The following FAF2 variants were observed in gnomAD, a reference collection of about 807,000 sequenced individuals.
FAF2 encodes Fas associated factor family member 2.
In FAF2, 9 loss-of-function variants were observed where a neutral mutation model predicts 62.3. The observed-to-expected ratio is 0.14, with a 90% confidence interval of 0.09 to 0.25. The LOEUF is 0.25. Among genes scored for constraint, FAF2 ranks in the 10% least tolerant of loss-of-function variants. The probability of loss-of-function intolerance (pLI) is 1.00; values close to 1 mark genes in which losing one functional copy is unlikely to be tolerated. For missense variants in FAF2, 368 were observed against 556.2 expected, an observed-to-expected ratio of 0.66 and a Z score of 3.40; for synonymous variants, 202 against 198.0, an observed-to-expected ratio of 1.02 and a Z score of -0.17.
At chr5:176,460,098 G>A (rs1403592398) in intron 1 of FAF2, among the ~76,000 whole-genome samples, 1 of 152,152 alleles carries the variant, frequency 6.6e-6, no homozygotes, top group East Asian at 1.9e-4. Flanking sequence ...ATTCTATAGT[G>A]TATATGTACC....
chr5:176,485,860 C>T (rs537950806), intron 2 of FAF2, among the ~76,000 whole-genome samples: 10 of 152,126 alleles, frequency 6.6e-5, no homozygotes, highest in South Asian at 2.1e-4. Flanking sequence ...TTTGAGCCAC[C>T]GCGCCTGACC....
chr5:176,499,032 C>T lies in FAF2; in HGVS notation c.958C>T (p.Arg320Trp). ...KKREERERKRRKEEEVQQQKL... is the reference protein window; with the variant it reads ...KKREERERKRWKEEEVQQQKL... The stretch of plus-strand genomic sequence containing the variant: ...ACGGGAGGAGCGGGAGCGTAAGCGG[C>T]GGAAGGAGGAGGAGGTGCAACAGCA... Residue 320 changes from arginine to tryptophan, a missense_variant, in exon 9 of 11, where the codon CGG becomes TGG. Physicochemically the swap from Arg to Trp is moderately radical, Grantham distance 101. Transcript: ENST00000261942. The T allele has an allele frequency of 1.2e-6, 2 of 1,611,038 alleles. No individual in the cohort carries two copies. Among genetic ancestry groups the T allele is most frequent in the East Asian group, 2.2e-5 (1 of 44,854 alleles).
At position 176,465,667 on chromosome 5, in the gene FAF2, C is replaced by T. The variant is rs532416479; in HGVS notation, c.64-13521C>T. Reference sequence around the variant, plus strand: ...CAGTTATGAGCCACCATGCCCAGCCCAGAAATTGAAATTTTCTGAATTAAG... The same window carrying T: ...CAGTTATGAGCCACCATGCCCAGCCTAGAAATTGAAATTTTCTGAATTAAG... On this transcript the variant is annotated intron_variant, in intron 1 of 10. Coordinates refer to ENST00000261942, the MANE Select transcript of FAF2 (RefSeq NM_014613.3). Among the ~76,000 whole-genome samples the T allele has an allele frequency of 5.9e-5, 9 of 152,148 alleles. No individual in the cohort carries two copies. The South Asian group carries it at 1.7e-3, about 28-fold the overall frequency.
chr5:176,488,886 C>A (rs1389705241), intron 3 of FAF2, 65 bp from the exon 4 acceptor site: 17 of 1,302,506 alleles, frequency 1.3e-5, no homozygotes, highest in South Asian at 2.4e-5. Flanking sequence ...AAAATCTGAC[C>A]TAGCCATTTG....
chr5:176,466,327 A>C (rs938064868), intron 1 of FAF2, among the ~76,000 whole-genome samples: 40 of 152,216 alleles, frequency 2.6e-4, no homozygotes, highest in African/African-American at 9.2e-4. Context: ...AAAGATTCCT[A>C]GTTTTTGCCA....
chr5:176,501,580 G>T (rs558337663), intron 10 of FAF2, among the ~76,000 whole-genome samples: 1 of 152,358 alleles, frequency 6.6e-6, no homozygotes, highest in African/African-American at 2.4e-5. Flanking sequence ...TTAGATGAGT[G>T]AGACATGGTT....
chr5:176,486,146 T>C (rs1758870209), intron 2 of FAF2, among the ~76,000 whole-genome samples: 1 of 152,200 alleles, frequency 6.6e-6, no homozygotes, highest in African/African-American at 2.4e-5. Context: ...TTTCCTCGTC[T>C]CCTCTACCAT....
chr5:176,452,258 G>A (rs976603481), intron 1 of FAF2, among the ~76,000 whole-genome samples: 6 of 151,824 alleles, frequency 4.0e-5, no homozygotes, highest in Non-Finnish European at 2.9e-5. Context: ...AGGTTTCCCC[G>A]TGTTGGCCAG....
At chr5:176,489,890 A>T (rs201038088) in intron 4 of FAF2, among the ~76,000 whole-genome samples, 27 of 152,300 alleles carry the variant, frequency 1.8e-4, no homozygotes, top group Admixed American at 1.6e-3. Context: ...CCTAGGTTGC[A>T]AACACTGGAA....
chr5:176,507,240 A>T lies in FAF2; in HGVS notation c.*290A>T. On this transcript the variant is annotated 3_prime_UTR_variant, in exon 11 of 11. Transcript: ENST00000261942. ...TGCACGCACCTTCCAGTGAACAGAGACTCTTCACCTTCGACCCATCCATTG... is the reference window on the plus strand; with the variant it reads ...TGCACGCACCTTCCAGTGAACAGAGTCTCTTCACCTTCGACCCATCCATTG... 2.2e-6 allele frequency: 1 copy of T among 452,616 alleles called. No homozygotes were observed. The highest frequency in any genetic ancestry group is 6.9e-5 in the East Asian group (1 of 14,408). The allele number at this position is 452,616 out of a possible 1,614,324, so 28.0% of individuals were successfully genotyped here. A position where few individuals can be genotyped will look rare whatever the true frequency, so the allele number is the denominator to read the frequency against.
chr5:176,503,553 C>A (rs1755630101), intron 10 of FAF2, among the ~76,000 whole-genome samples: 1 of 61,676 alleles, frequency 1.6e-5, no homozygotes, highest in South Asian at 6.2e-4. Flanking sequence ...AAAATTCTGT[C>A]TCAAAAAAAA....
intron 1 of FAF2, among the ~76,000 whole-genome samples, chr5:176,478,306 G>A (rs1041492454): frequency 1.3e-5 from 2 of 152,114 alleles, no homozygotes; most frequent in Admixed American, 6.6e-5. Flanking sequence ...GAGAGATCCC[G>A]TCTTTACAAA....
chr5:176,465,718 G>A (rs544977003), intron 1 of FAF2, among the ~76,000 whole-genome samples: 1 of 152,066 alleles, frequency 6.6e-6, no homozygotes, highest in African/African-American at 2.4e-5. Context: ...ATTTTAGCTG[G>A]GCACAGTGGC....
intron 1 of FAF2, 69 bp from the exon 2 acceptor site, chr5:176,479,119 G>A: frequency 1.7e-6 from 2 of 1,207,778 alleles, no homozygotes; most frequent in Non-Finnish European, 1.2e-6. Flanking sequence ...AGCAGTATAT[G>A]GCGTAAAAAT....
At chr5:176,477,756 T>G (rs1758728883) in intron 1 of FAF2, among the ~76,000 whole-genome samples, 1 of 152,196 alleles carries the variant, frequency 6.6e-6, no homozygotes, top group African/African-American at 2.4e-5. Context: ...CATTCCACAT[T>G]AAACCCTTCA....
chr5:176,451,177 C>T (rs1758159791), intron 1 of FAF2, among the ~76,000 whole-genome samples: 1 of 152,190 alleles, frequency 6.6e-6, no homozygotes, highest in South Asian at 2.1e-4. Context: ...TCGAGACCAG[C>T]CTGGCCAACA....
intron 8 of FAF2, among the ~76,000 whole-genome samples, chr5:176,498,678 AGAG>A (rs1755540563): frequency 6.6e-6 from 1 of 152,224 alleles, no homozygotes; most frequent in African/African-American, 2.4e-5. Flanking sequence ...TTATTTTAAA[AGAG>A]GAGAGGAAAG....
chr5:176,482,789 TC>T (rs1758805213), intron 2 of FAF2, among the ~76,000 whole-genome samples: 1 of 152,228 alleles, frequency 6.6e-6, no homozygotes, highest in Non-Finnish European at 1.5e-5. Flanking sequence ...GTGTTGGGAT[TC>T]CAGACGTGAG....
intron 1 of FAF2, among the ~76,000 whole-genome samples, chr5:176,450,554 A>G (rs771837009): frequency 6.6e-6 from 1 of 150,846 alleles, no homozygotes; most frequent in South Asian, 2.1e-4. Flanking sequence ...TTCTGTGGAG[A>G]TCTTTTTTTT....
Sources: allele counts gnomAD v4.1 joint callset (sites outside exome capture counted in the v4.1 genomes callset), GRCh38; gene constraint gnomAD v4.1.1; transcripts MANE v1.5; gene names NCBI Gene and HGNC (gene_info 2026-07-23, HGNC 2026-07-21).